Variants in CCNB3 observed in about 807,000 individuals in gnomAD.
CCNB3 encodes G2/mitotic-specific cyclin-B3.
CCNB3 carries 12 observed loss-of-function variants against 68.0 expected under a neutral mutation model. The observed-to-expected ratio is 0.18, with a 90% CI of 0.11 to 0.29. CCNB3 has a LOEUF of 0.29. CCNB3 is among the 10% of genes least tolerant of loss of function. CCNB3 has a pLI of 1.00. For missense variants in CCNB3, 904 were observed against 993.1 expected, an observed-to-expected ratio of 0.91 and a Z score of 1.21; for synonymous variants, 354 against 388.9, an observed-to-expected ratio of 0.91 and a Z score of 1.06.
intron 8 of CCNB3, among the ~76,000 whole-genome samples, chrX:50,316,351 C>T (rs181176399): frequency 5.5e-4 from 62 of 112,125 alleles, no homozygotes; most frequent in African/African-American, 1.9e-3. Context: ...TGGACTAATA[C>T]ACACGGTGTG....
intron 9 of CCNB3, among the ~76,000 whole-genome samples, chrX:50,346,418 C>T (rs1283688962): frequency 9.0e-6 from 1 of 111,561 alleles, no homozygotes; most frequent in African/African-American, 3.3e-5. Context: ...CCCAGGAGGT[C>T]CTATCCTCTA....
chrX:50,221,020 G>A (rs1935663076), intron 1 of CCNB3, among the ~76,000 whole-genome samples: 1 of 111,345 alleles, frequency 9.0e-6, no homozygotes, highest in Non-Finnish European at 1.9e-5. Context: ...ACGTGTCCAG[G>A]AATGTATCCC....
chrX:50,228,846 G>A (rs1298717718), intron 1 of CCNB3, among the ~76,000 whole-genome samples: 2 of 26,470 alleles, frequency 7.6e-5, no homozygotes, highest in African/African-American at 3.0e-4. Flanking sequence ...TACATATATA[G>A]AATATATATC....
At chrX:50,216,483 T>C (rs1305101081) in intron 1 of CCNB3, among the ~76,000 whole-genome samples, 2 of 110,389 alleles carry the variant, frequency 1.8e-5, no homozygotes, top group African/African-American at 6.6e-5. Context: ...TTAGCCAGGA[T>C]GGTCTTGATC....
At chrX:50,283,844 A>G (rs1233435088) in intron 1 of CCNB3, among the ~76,000 whole-genome samples, 1 of 109,289 alleles carries the variant, frequency 9.2e-6, no homozygotes, top group Non-Finnish European at 1.9e-5. Context: ...CCTGTCCCCA[A>G]CAAGATTACT....
At chrX:50,323,627 A>G (rs1421226481) in intron 8 of CCNB3, among the ~76,000 whole-genome samples, 1 of 112,498 alleles carries the variant, frequency 8.9e-6, no homozygotes, top group Non-Finnish European at 1.9e-5. Flanking sequence ...TTTTATGTTC[A>G]TCTACTTTGC....
At chrX:50,228,002 AAT>A (rs1176615528) in intron 1 of CCNB3, among the ~76,000 whole-genome samples, 2 of 85,671 alleles carry the variant, frequency 2.3e-5, no homozygotes, top group African/African-American at 4.4e-5. Flanking sequence ...ATATATAGAG[AAT>A]ATATATAAAT....
chrX:50,226,016 A>T (rs1465037389), intron 1 of CCNB3, among the ~76,000 whole-genome samples: 2 of 94,283 alleles, frequency 2.1e-5, no homozygotes, highest in African/African-American at 7.6e-5. Context: ...TATAGAATAT[A>T]TACAAAAATA....
intron 5 of CCNB3, among the ~76,000 whole-genome samples, chrX:50,306,118 A>G (rs1335834731): frequency 9.1e-6 from 1 of 109,770 alleles, no homozygotes; most frequent in East Asian, 2.8e-4. Flanking sequence ...TTTCTAATTC[A>G]TGAATATGGA....
chrX:50,300,838 T>C (rs782034432), intron 5 of CCNB3, among the ~76,000 whole-genome samples: 3 of 111,706 alleles, frequency 2.7e-5, no homozygotes, highest in African/African-American at 9.7e-5. Context: ...CATTTCTTTG[T>C]ATTCTTTTTC....
At chrX:50,340,349 A>G (rs1557219386) in intron 8 of CCNB3, among the ~76,000 whole-genome samples, 1 of 112,407 alleles carries the variant, frequency 8.9e-6, no homozygotes, top group East Asian at 2.8e-4. Context: ...GTATGGCAGG[A>G]TCTAAACAAC....
At chrX:50,226,199 A>G (rs1267826911) in intron 1 of CCNB3, among the ~76,000 whole-genome samples, 3 of 66,903 alleles carry the variant, frequency 4.5e-5, no homozygotes, top group East Asian at 4.4e-4. Context: ...AAATATATAT[A>G]GAATATATAT....
At chrX:50,329,402 T>G (rs1208851163) in intron 8 of CCNB3, among the ~76,000 whole-genome samples, 1 of 112,994 alleles carries the variant, frequency 8.9e-6, no homozygotes, top group Non-Finnish European at 1.9e-5. Context: ...TCCTTCACTC[T>G]TGCACTCTGT....
chrX:50,301,588 C>T (rs1438256847), intron 5 of CCNB3, among the ~76,000 whole-genome samples: 1 of 112,368 alleles, frequency 8.9e-6, no homozygotes, highest in African/African-American at 3.2e-5. Flanking sequence ...GTCAGGGACC[C>T]ACTTGATGAG....
At chrX:50,301,361 C>T (rs1267925911) in intron 5 of CCNB3, among the ~76,000 whole-genome samples, 2 of 112,027 alleles carry the variant, frequency 1.8e-5, no homozygotes, top group African/African-American at 6.5e-5. Context: ...CAGTCAGGAC[C>T]CTCAGCTGCA....
rs782534876 is a variant in CCNB3, at chrX:50,309,515, C to T, written c.1346C>T (p.Ser449Phe). The T allele has an allele frequency of 1.7e-6, 2 of 1,211,679 alleles. No homozygotes were observed. Among genetic ancestry groups the T allele is most frequent in the East Asian group, 5.9e-5 (2 of 33,822 alleles). ...AAGCACACCACTCAGGAGGAGGTTT[C>T]CATCTTAAAGGAGCCCTCGTCCTTG... Reference protein sequence around the residue: ...QKKHTTQEEVSILKEPSSLLK... With the variant: ...QKKHTTQEEVFILKEPSSLLK... Residue 449 changes from serine (S) to phenylalanine (F), a missense_variant, in exon 6 of 13, where the codon TCC becomes TTC. Ser to Phe is a radical substitution (Grantham distance 155). This residue lies in a region of CCNB3 where 619 missense variants were observed against 609.8 expected (regional missense o/e 1.02). Coordinates refer to ENST00000376042, the MANE Select transcript of CCNB3 (RefSeq NM_033031.3).
intron 4 of CCNB3, among the ~76,000 whole-genome samples, chrX:50,294,152 G>A (rs983725636): frequency 1.8e-5 from 2 of 110,414 alleles, no homozygotes; most frequent in Non-Finnish European, 3.8e-5. Flanking sequence ...TGTTGCCCAG[G>A]CTGGTCTTGA....
chrX:50,316,821 G>A (rs1557215836), intron 8 of CCNB3, among the ~76,000 whole-genome samples: 6 of 112,065 alleles, frequency 5.4e-5, no homozygotes, highest in Non-Finnish European at 1.1e-4. Context: ...TCTATGGTTC[G>A]GATATATCAC....
chrX:50,226,222 A>AGAATATATATATTTATATATATG (rs1935774147), intron 1 of CCNB3, among the ~76,000 whole-genome samples: 1 of 69,521 alleles, frequency 1.4e-5, no homozygotes, highest in South Asian at 7.9e-4. Context: ...TTATATATAT[A>AGAATATATATATTTATATATATG]GAATATATAT....
Sources: allele counts gnomAD v4.1 joint callset (sites outside exome capture counted in the v4.1 genomes callset), GRCh38; gene constraint gnomAD v4.1.1; regional missense constraint gnomAD v4.1.1; transcripts MANE v1.5; gene names NCBI Gene and HGNC (gene_info 2026-07-23, HGNC 2026-07-21).